KCTD8: variants seen among roughly 807,000 people sequenced by gnomAD.
KCTD8 encodes the protein BTB/POZ domain-containing protein KCTD8.
A neutral mutation model predicts 31.5 loss-of-function variants in KCTD8; 27 were observed. The ratio of observed to expected loss-of-function variants is 0.86; its 90% confidence interval spans 0.63 to 1.18. The LOEUF (loss-of-function observed/expected upper bound fraction) is 1.18, where lower values mean the gene tolerates loss of function less well. KCTD8 is among the 50% of genes most tolerant of loss of function. KCTD8 has a pLI of 0.00. For missense variants in KCTD8, 658 were observed against 647.7 expected (o/e 1.02, Z -0.17); for synonymous variants, 290 against 280.0 (o/e 1.04, Z -0.36).
chr4:44,299,041 T>C (rs1175937601), intron 1 of KCTD8, among the ~76,000 whole-genome samples: 3 of 152,170 alleles, frequency 2.0e-5, no homozygotes, highest in Admixed American at 2.0e-4. Context: ...ACAATGTAGC[T>C]AGGTTAGAAA....
At chr4:44,327,680 A>T (rs116418519) in intron 1 of KCTD8, among the ~76,000 whole-genome samples, 1,649 of 151,876 alleles carry the variant, frequency 0.011, 52 homozygotes, top group African/African-American at 0.038. Context: ...GGGGGAAAAA[A>T]AACAAAAACC....
chr4:44,434,492 A>G (rs530574771), intron 1 of KCTD8, among the ~76,000 whole-genome samples: 2 of 152,042 alleles, frequency 1.3e-5, no homozygotes, highest in South Asian at 4.1e-4. Flanking sequence ...GTATAAATGC[A>G]GCCCTGGTTT....
intron 1 of KCTD8, among the ~76,000 whole-genome samples, chr4:44,216,180 C>T (rs986674711): frequency 6.6e-6 from 1 of 152,040 alleles, no homozygotes; most frequent in African/African-American, 2.4e-5. Flanking sequence ...GTATAAACAT[C>T]TTAGAATTTC....
chr4:44,361,225 A>G lies in KCTD8; in HGVS notation c.961+86338T>C, dbSNP rs539832012. On this transcript the variant is annotated intron_variant, in intron 1 of 1. Transcript: ENST00000360029. ...TTTTCCTTGGAATAATTAAGACTGA[A>G]AGATCTGTATTCTTGTCAGAACTGG... Among the ~76,000 whole-genome samples, 3 of 152,228 alleles carry G rather than the reference A, an allele frequency of 2.0e-5. No homozygotes were observed. The East Asian group carries it at 5.8e-4, about 29-fold the overall frequency.
chr4:44,183,458 AAT>A (rs1161061359), intron 1 of KCTD8, among the ~76,000 whole-genome samples: 1 of 152,188 alleles, frequency 6.6e-6, no homozygotes, highest in Non-Finnish European at 1.5e-5. Context: ...AAATGTCACA[AAT>A]AGAAAATATC....
chr4:44,325,899 G>T (rs1718431616), intron 1 of KCTD8, among the ~76,000 whole-genome samples: 1 of 151,898 alleles, frequency 6.6e-6, no homozygotes, highest in South Asian at 2.1e-4. Flanking sequence ...GCAGATATAA[G>T]ATATGCTTTT....
intron 1 of KCTD8, among the ~76,000 whole-genome samples, chr4:44,443,136 C>T (rs1030608861): frequency 7.9e-5 from 12 of 152,304 alleles, no homozygotes; most frequent in African/African-American, 2.9e-4. Context: ...AAGTTATCCT[C>T]TGCTTTTGCT....
chr4:44,408,222 T>A (rs1458946907), intron 1 of KCTD8, among the ~76,000 whole-genome samples: 1 of 152,160 alleles, frequency 6.6e-6, no homozygotes, highest in Non-Finnish European at 1.5e-5. Context: ...TGAAATAGTG[T>A]ATAAAAAGTA....
At chr4:44,438,003 T>C (rs1438337244) in intron 1 of KCTD8, among the ~76,000 whole-genome samples, 1 of 152,140 alleles carries the variant, frequency 6.6e-6, no homozygotes, top group East Asian at 1.9e-4. Context: ...AAGCTGCCAC[T>C]GTAGCAACTT....
At chr4:44,324,897 G>GT (rs1253013956) in intron 1 of KCTD8, among the ~76,000 whole-genome samples, 3 of 151,936 alleles carry the variant, frequency 2.0e-5, no homozygotes, top group African/African-American at 7.3e-5. Context: ...CTGGCCTTAT[G>GT]TTACTAATTG....
rs752341720 is a variant in KCTD8 at position 44,235,525 on chromosome 4, TTATA to T, written c.962-60279_962-60276del. 5.5e-3 allele frequency among the ~76,000 whole-genome samples: 303 copies of T among 54,966 alleles called. 1 individual carries two copies. Among genetic ancestry groups the T allele is most frequent in the South Asian group, 7.5e-3 (7 of 934 alleles). The allele number at this position is 54,966 out of a possible 152,430, so 36.1% of individuals were successfully genotyped here. A position where few individuals can be genotyped will look rare whatever the true frequency, so the allele number is the denominator to read the frequency against. ...TGTATACAGAAAGAGAGACACTGGATTATATATATATATATATATATATATATAT... is the reference window on the plus strand; with the variant it reads ...TGTATACAGAAAGAGAGACACTGGATTATATATATATATATATATATATAT... On this transcript the variant is annotated intron_variant, in intron 1 of 1. Transcript: ENST00000360029.
intron 1 of KCTD8, among the ~76,000 whole-genome samples, chr4:44,393,731 G>T (rs1002798867): frequency 6.6e-6 from 1 of 151,774 alleles, no homozygotes; most frequent in Non-Finnish European, 1.5e-5. Flanking sequence ...TAAATGGTGA[G>T]GACTACGCTG....
Position 44,344,860 on chromosome 4 carries a change from C to G in KCTD8, c.961+102703G>C, listed in dbSNP as rs542690610. ...ACCATTTGAGAAACACTGCTCTAAACTTACCCTTTCTATTAGGAACATACA... is the reference window on the plus strand; with the variant it reads ...ACCATTTGAGAAACACTGCTCTAAAGTTACCCTTTCTATTAGGAACATACA... On this transcript the variant is annotated intron_variant, in intron 1 of 1. Coordinates refer to ENST00000360029, the MANE Select transcript of KCTD8 (RefSeq NM_198353.3). 3.9e-5 allele frequency among the ~76,000 whole-genome samples: 6 copies of G among 152,308 alleles called. No individual in the cohort carries two copies. In the East Asian group the frequency reaches 7.7e-4, roughly 20 times the overall value.
chr4:44,213,142 T>TA (rs1714543940), intron 1 of KCTD8, among the ~76,000 whole-genome samples: 1 of 152,116 alleles, frequency 6.6e-6, no homozygotes, highest in South Asian at 2.1e-4. Flanking sequence ...TTCACCATCT[T>TA]AGCCAGGATG....
intron 1 of KCTD8, among the ~76,000 whole-genome samples, chr4:44,319,324 C>T (rs528022170): frequency 4.6e-5 from 7 of 152,192 alleles, no homozygotes; most frequent in Non-Finnish European, 8.8e-5. Context: ...GTTGGAGTTT[C>T]GCCCAGCAGG....
At chr4:44,266,532 C>T (rs547686827) in intron 1 of KCTD8, among the ~76,000 whole-genome samples, 3 of 152,060 alleles carry the variant, frequency 2.0e-5, no homozygotes, top group Non-Finnish European at 2.9e-5. Context: ...GGATGAAATT[C>T]ACACATAACA....
intron 1 of KCTD8, among the ~76,000 whole-genome samples, chr4:44,412,136 T>C (rs962877490): frequency 2.0e-5 from 3 of 152,094 alleles, no homozygotes; most frequent in Non-Finnish European, 2.9e-5. Flanking sequence ...AGAGAAGATA[T>C]TCATGTGGCC....
intron 1 of KCTD8, among the ~76,000 whole-genome samples, chr4:44,381,931 C>T (rs978463827): frequency 2.0e-5 from 3 of 151,778 alleles, no homozygotes; most frequent in African/African-American, 4.8e-5. Flanking sequence ...TTACCTTGAT[C>T]CAGGTATTTC....
chr4:44,319,858 G>A (rs763908400), intron 1 of KCTD8, among the ~76,000 whole-genome samples: 9 of 152,020 alleles, frequency 5.9e-5, no homozygotes, highest in Non-Finnish European at 1.2e-4. Context: ...GACTTCCAAT[G>A]AGAAAGGAGC....
Sources: allele counts gnomAD v4.1 joint callset (sites outside exome capture counted in the v4.1 genomes callset), GRCh38; gene constraint gnomAD v4.1.1; transcripts MANE v1.5; gene names NCBI Gene and HGNC (gene_info 2026-07-23, HGNC 2026-07-21).